The following NLRP5 variants were observed in gnomAD, a reference collection of about 807,000 sequenced individuals.
NLRP5 encodes the protein NLR family pyrin domain containing 5.
In NLRP5, 93 loss-of-function variants were observed where a neutral mutation model predicts 113.1. The ratio of observed to expected loss-of-function variants is 0.82; its 90% CI spans 0.70 to 0.98. The LOEUF is 0.98. NLRP5 is among the 50% of genes least tolerant of loss of function. NLRP5 has a pLI of 0.00. For synonymous variants in NLRP5, 751 were observed against 600.7 expected, an observed-to-expected ratio of 1.25 and a Z score of -3.66; for missense variants, 1,808 against 1,514.3, an observed-to-expected ratio of 1.19 and a Z score of -3.22.
chr19:56,049,655 C>G (rs927440626), intron 11 of NLRP5, among the ~76,000 whole-genome samples: 9 of 152,120 alleles, frequency 5.9e-5, no homozygotes, highest in African/African-American at 1.9e-4. Flanking sequence ...CTGAGACTTT[C>G]CAGACCATTT....
chr19:56,034,196 C>G (rs1983229031), intron 9 of NLRP5, among the ~76,000 whole-genome samples: 2 of 152,160 alleles, frequency 1.3e-5, no homozygotes, highest in Non-Finnish European at 2.9e-5. Flanking sequence ...CAAGACCAGC[C>G]TGGCCAACAT....
At chr19:56,029,009 C>T (rs994043672) in intron 7 of NLRP5, among the ~76,000 whole-genome samples, 1 of 152,084 alleles carries the variant, frequency 6.6e-6, no homozygotes, top group Non-Finnish European at 1.5e-5. Flanking sequence ...AGGTGATCCA[C>T]CCGCCTCAGC....
chr19:56,018,331 A>T (rs1982486386), intron 4 of NLRP5, among the ~76,000 whole-genome samples: 1 of 152,180 alleles, frequency 6.6e-6, no homozygotes. Flanking sequence ...ATATCCTAAG[A>T]CGAATTTGTA....
intron 1 of NLRP5, among the ~76,000 whole-genome samples, chr19:56,000,375 GTT>G (rs1158360611): frequency 6.6e-6 from 1 of 151,400 alleles, no homozygotes; most frequent in Non-Finnish European, 1.5e-5. Context: ...TTTTTTGTTT[GTT>G]TTTTTAAGAC....
At chr19:56,050,981 T>C (rs1019714639) in intron 12 of NLRP5, among the ~76,000 whole-genome samples, 2 of 152,188 alleles carry the variant, frequency 1.3e-5, no homozygotes, top group Non-Finnish European at 2.9e-5. Context: ...AATAGGAATA[T>C]CCCATTATTA....
At chr19:55,996,191 G>A (rs1460154734), upstream of NLRP5, among the ~76,000 whole-genome samples, 2 of 152,116 alleles carry the variant, frequency 1.3e-5, no homozygotes, top group Non-Finnish European at 2.9e-5. Context: ...TAGGAGTGGC[G>A]GAAGTGGGCA....
In NLRP5 at chr19:56,028,080, A is replaced by G. The variant is rs747953210; in HGVS notation, c.1847A>G (p.Lys616Arg). The G allele has an allele frequency of 1.9e-6, 3 of 1,614,020 alleles. No individual in the cohort carries two copies. The highest frequency in any genetic ancestry group is 2.5e-6 in the Non-Finnish European group (3 of 1,179,892). The stretch of plus-strand genomic sequence containing the variant: ...TGCCCTCTGTACGTTGAGAAGACAA[A>G]GAGGTCCATGGAGCTTAAACAGGCA... The change falls in exon 7 of 15, where the codon AAG becomes AGG. Residue 616 changes from lysine (K) to arginine (R), a missense_variant. Coordinates refer to ENST00000390649, the MANE Select transcript of NLRP5 (RefSeq NM_153447.4).
chr19:56,024,573 A>G (rs7258112), intron 6 of NLRP5, among the ~76,000 whole-genome samples: 2,592 of 131,486 alleles, frequency 0.02, 71 homozygotes, highest in African/African-American at 0.066. Context: ...ATATATACAC[A>G]TATATATACA....
chr19:55,993,094 C>T, the NLRP5 span, among the ~76,000 whole-genome samples: 2 of 149,596 alleles, frequency 1.3e-5, no homozygotes, highest in Middle Eastern at 3.4e-3. Context: ...GGTGATCCAC[C>T]CACCTCGGCC....
chr19:56,040,984 A>C lies in NLRP5; in HGVS notation c.2849A>C (p.Asn950Thr). 6.2e-7 allele frequency: 1 copy of C among 1,613,920 alleles called. No homozygotes were observed. The highest frequency in any genetic ancestry group is 8.5e-7 in the Non-Finnish European group (1 of 1,179,868). ...AGTCTGGCCTCAGCCCTCGTCAGCA[A>C]CCGGAGCTTGACACACCTGTGCCTA... The change falls in exon 11 of 15, where the codon AAC becomes ACC. Residue 950 changes from asparagine to threonine, a missense_variant. Transcript: ENST00000390649.
intron 4 of NLRP5, 130 bp from the exon 5 acceptor site, chr19:56,019,212 G>C (rs1488095417): frequency 3.1e-5 from 32 of 1,017,010 alleles, no homozygotes; most frequent in Non-Finnish European, 4.6e-5. Context: ...TTCTAGCTGA[G>C]ACAGTGGTTG....
At chr19:56,058,115 TTTTG>T (rs1180544608) in intron 13 of NLRP5, 121 bp from the exon 14 acceptor site, 40 of 767,488 alleles carry the variant, frequency 5.2e-5, no homozygotes, top group Middle Eastern at 8.0e-4. Context: ...CAGTTTCATT[TTTTG>T]TTTGTTTTTG....
At chr19:55,987,821 C>T in the NLRP5 span, 3 of 1,613,548 alleles carry the variant, frequency 1.9e-6, no homozygotes, top group African/African-American at 1.3e-5. Context: ...CAGCTGTATT[C>T]CTGCCTGGAC....
At chr19:56,037,393 G>A (rs924795297) in intron 9 of NLRP5, among the ~76,000 whole-genome samples, 3 of 152,058 alleles carry the variant, frequency 2.0e-5, no homozygotes, top group African/African-American at 7.2e-5. Context: ...ACTAACATAA[G>A]TATGTGGAAC....
intron 2 of NLRP5, among the ~76,000 whole-genome samples, chr19:56,005,625 TACACAC>T (rs147776319): frequency 2.2e-5 from 3 of 139,220 alleles, no homozygotes; most frequent in South Asian, 4.7e-4. Flanking sequence ...TATATATTTA[TACACAC>T]ACACACACAC....
chr19:56,034,593 C>G (rs938460377), intron 9 of NLRP5, among the ~76,000 whole-genome samples: 3 of 152,208 alleles, frequency 2.0e-5, no homozygotes, highest in African/African-American at 4.8e-5. Flanking sequence ...ATTCCTAATC[C>G]TCAGGAGCCA....
In NLRP5 at chr19:56,025,047, C is replaced by T. The variant is rs532070718; in HGVS notation, c.680-1866C>T. On this transcript the variant is annotated intron_variant, in intron 6 of 14. Coordinates refer to ENST00000390649, the MANE Select transcript of NLRP5 (RefSeq NM_153447.4). ...CTGCACATGTGAGGGATCTGGGTTGCGTGCTTATGAGAATCTAATGCCTGA... is the reference window on the plus strand; with the variant it reads ...CTGCACATGTGAGGGATCTGGGTTGTGTGCTTATGAGAATCTAATGCCTGA... Among the ~76,000 whole-genome samples the T allele has an allele frequency of 1.4e-3, 39 of 28,694 alleles. 2 individuals carry two copies. The highest frequency in any genetic ancestry group is 0.023 in the Middle Eastern group (2 of 86). 18.8% of individuals were successfully genotyped at this position (28,694 alleles called of 152,430 possible). A position where few individuals can be genotyped will look rare whatever the true frequency, so the allele number is the denominator to read the frequency against.
chr19:56,030,589 T>A (rs1310188680), intron 7 of NLRP5, among the ~76,000 whole-genome samples: 1 of 152,132 alleles, frequency 6.6e-6, no homozygotes, highest in Non-Finnish European at 1.5e-5. Context: ...TCCTGTAGAT[T>A]GGCTGAAAAC....
chr19:56,030,714 C>CTTCTTCTTTTTTTTTTTTTTTTTTTT (rs1555767859), intron 7 of NLRP5, among the ~76,000 whole-genome samples: 3 of 71,350 alleles, frequency 4.2e-5, no homozygotes, highest in African/African-American at 2.1e-4. Flanking sequence ...CTTTCTTCTT[C>CTTCTTCTTTTTTTTTTTTTTTTTTTT]TTTTTTTTTT....
Sources: allele counts gnomAD v4.1 joint callset (sites outside exome capture counted in the v4.1 genomes callset), GRCh38; gene constraint gnomAD v4.1.1; transcripts MANE v1.5; gene names NCBI Gene and HGNC (gene_info 2026-07-23, HGNC 2026-07-21).